The following PLAAT3 variants were observed in gnomAD, a reference collection of about 807,000 sequenced individuals.
PLAAT3 encodes the protein Ca-independent phospholipase A1/2.
In PLAAT3, 21 loss-of-function variants were observed where a neutral mutation model predicts 16.7. The ratio of observed to expected loss-of-function variants is 1.26; its 90% CI spans 0.89 to 1.81. The LOEUF (loss-of-function observed/expected upper bound fraction) is 1.81. Among genes scored for constraint, PLAAT3 ranks in the 40% most tolerant of loss-of-function variants. The pLI is 0.00. For synonymous variants in PLAAT3, 76 were observed against 81.7 expected, an observed-to-expected ratio of 0.93 and a Z score of 0.38; for missense variants, 219 against 213.7, an observed-to-expected ratio of 1.02 and a Z score of -0.16.
Position 63,590,106 on chromosome 11 carries a change from A to G in PLAAT3, c.381T>C (p.Ser127=). Residue 127 remains serine, a synonymous_variant, in exon 4 of 5, where the codon AGT becomes AGC. Transcript: ENST00000415826. ...ACACAGGCAGAGGACGCACCTGGTC[A>G]CTGCGGGCGACTCCATAGCGCAGCT... ...VNELRYGVAR[S]DQVRDVIIAA... 1 of 1,613,384 alleles carries G rather than the reference A, an allele frequency of 6.2e-7. No homozygotes were observed. The highest frequency in any genetic ancestry group is 2.2e-5 in the East Asian group (1 of 44,874).
At chr11:63,598,801 A>G in intron 2 of PLAAT3, 1 of 486,992 alleles carries the variant, frequency 2.1e-6, no homozygotes, top group Non-Finnish European at 4.1e-6. Flanking sequence ...ATCAGTCTCC[A>G]GCAGTAATGT....
Position 63,614,415 on chromosome 11 carries a change from C to G in PLAAT3, c.-85G>C, listed in dbSNP as rs1361698204. 2 of 201,320 alleles carry G rather than the reference C, an allele frequency of 9.9e-6. No individual in the cohort carries two copies. The highest frequency in any genetic ancestry group is 4.6e-5 in the African/African-American group (2 of 43,148). 12.5% of individuals were successfully genotyped at this position (201,320 alleles called of 1,614,324 possible). ...GGTCTCGGAGGCAGCGCTGCAGCCC[C>G]AGCAATTGGACCGGGTCTAATGGCC... On this transcript the variant is annotated 5_prime_UTR_variant, in exon 1 of 5. Coordinates refer to ENST00000415826, the MANE Select transcript of PLAAT3 (RefSeq NM_001128203.2).
intron 2 of PLAAT3, among the ~76,000 whole-genome samples, chr11:63,599,161 C>A (rs1416078483): frequency 6.6e-6 from 1 of 152,216 alleles, no homozygotes; most frequent in Non-Finnish European, 1.5e-5. Flanking sequence ...CTTTAAACCC[C>A]TTTAATGAGC....
At position 63,590,879 on chromosome 11, in the gene PLAAT3, C is replaced by A. The variant is rs74768501; in HGVS notation, c.119-511G>T. Among the ~76,000 whole-genome samples, 434 of 152,280 alleles carry A rather than the reference C, an allele frequency of 2.9e-3. 3 individuals are homozygous for A. The highest frequency in any genetic ancestry group is 0.01 in the African/African-American group (424 of 41,564). On this transcript the variant is annotated intron_variant, in intron 3 of 4. Coordinates refer to ENST00000415826, the MANE Select transcript of PLAAT3 (RefSeq NM_001128203.2). ...GGATGCTAAGGAGGCTTAGTGGGTA[C>A]ATGGGCACAGCCCAGGCCAAGGCCC...
intron 4 of PLAAT3, among the ~76,000 whole-genome samples, chr11:63,583,421 G>A (rs145397597): frequency 0.034 from 5,147 of 152,304 alleles, 136 homozygotes; most frequent in Middle Eastern, 0.071. Context: ...CTCATGGTGT[G>A]AAAACAAAAG....
At chr11:63,598,727 C>T in intron 2 of PLAAT3, 1 of 518,014 alleles carries the variant, frequency 1.9e-6, no homozygotes, top group South Asian at 1.4e-5. Context: ...CAGAGGCTGC[C>T]AGATCTGGAG....
intron 2 of PLAAT3, among the ~76,000 whole-genome samples, chr11:63,603,570 A>G (rs1938483072): frequency 1.3e-5 from 2 of 151,984 alleles, no homozygotes; most frequent in Non-Finnish European, 2.9e-5. Flanking sequence ...ACCATGGCAC[A>G]CTTTTACCTT....
At position 63,595,490 on chromosome 11, in the gene PLAAT3, A is replaced by C. The variant is rs546765557; in HGVS notation, c.118+2571T>G. Among the ~76,000 whole-genome samples, 6 of 152,246 alleles carry C rather than the reference A, an allele frequency of 3.9e-5. No homozygotes were observed. The South Asian group carries it at 1.2e-3, about 32-fold the overall frequency. On this transcript the variant is annotated intron_variant, in intron 3 of 4. Coordinates refer to ENST00000415826, the MANE Select transcript of PLAAT3 (RefSeq NM_001128203.2). ...CATGGGCATGATGTTGGCTAAAAGA[A>C]GCCAGACACAAAAGAGCACGGGCCG... is the stretch of plus-strand genomic sequence containing the variant.
rs374708439 is a variant in PLAAT3, at chr11:63,614,040, G to A, written c.-26C>T. The A allele has an allele frequency of 4.0e-5, 65 of 1,613,620 alleles. No homozygotes were observed. The South Asian group carries it at 5.9e-4, about 15-fold the overall frequency. ...CTTCCCTCGCGGTGTGGACCCTCAAGGCCAGGCTCGATTTCGCTGCGTAGA... is the reference window on the plus strand; with the variant it reads ...CTTCCCTCGCGGTGTGGACCCTCAAAGCCAGGCTCGATTTCGCTGCGTAGA... On this transcript the variant is annotated 5_prime_UTR_variant, in exon 2 of 5. Coordinates refer to ENST00000415826, the MANE Select transcript of PLAAT3 (RefSeq NM_001128203.2).
At chr11:63,589,409 C>CAAAAAAAAAAAAAAAAAAA (rs748851566) in intron 4 of PLAAT3, among the ~76,000 whole-genome samples, 1 of 30,750 alleles carries the variant, frequency 3.3e-5, no homozygotes. Context: ...TTCACCTATG[C>CAAAAAAAAAAAAAAAAAAA]AAAGAAAAAA....
At chr11:63,613,022 A>G (rs906641959) in intron 2 of PLAAT3, among the ~76,000 whole-genome samples, 1 of 152,204 alleles carries the variant, frequency 6.6e-6, no homozygotes, top group Non-Finnish European at 1.5e-5. Context: ...AACTCTTTAT[A>G]TGGACTGAGA....
intron 4 of PLAAT3, 61 bp downstream of exon 4, chr11:63,590,039 C>T (rs749349836): frequency 5.2e-6 from 8 of 1,535,250 alleles, no homozygotes; most frequent in Middle Eastern, 2.2e-4. Context: ...CCATGCCCAG[C>T]CTCCGTCAGC....
At chr11:63,597,443 G>A (rs529679999) in intron 3 of PLAAT3, among the ~76,000 whole-genome samples, 11 of 152,190 alleles carry the variant, frequency 7.2e-5, no homozygotes, top group Admixed American at 2.6e-4. Flanking sequence ...GGAGAATGGC[G>A]TAAACCCAGG....
At chr11:63,587,487 A>T (rs1938012448) in intron 4 of PLAAT3, among the ~76,000 whole-genome samples, 1 of 151,910 alleles carries the variant, frequency 6.6e-6, no homozygotes, top group Non-Finnish European at 1.5e-5. Flanking sequence ...GATTAATCAA[A>T]TGTGAGGATA....
intron 4 of PLAAT3, among the ~76,000 whole-genome samples, chr11:63,585,088 C>T (rs910931800): frequency 2.0e-5 from 3 of 148,886 alleles, no homozygotes; most frequent in Non-Finnish European, 3.0e-5. Flanking sequence ...AGTGCAATGG[C>T]GCAATCTTGG....
rs2017636886 is a variant in PLAAT3 at position 63,574,809 on chromosome 11, T to C, written c.*136A>G. 1.6e-6 allele frequency: 1 copy of C among 628,766 alleles called. No homozygotes were observed. The highest frequency in any genetic ancestry group is 1.9e-5 in the South Asian group (1 of 52,324). The allele number at this position is 628,766 out of a possible 1,614,324, so 38.9% of individuals were successfully genotyped here. ...TTCCCCCAATAAAATCCTCCCTCGTTTTGCTTTATTTTATTCTGTGAAAAT... is the reference window on the plus strand; with the variant it reads ...TTCCCCCAATAAAATCCTCCCTCGTCTTGCTTTATTTTATTCTGTGAAAAT... On this transcript the variant is annotated 3_prime_UTR_variant, in exon 5 of 5. Transcript: ENST00000415826.
At chr11:63,584,752 C>T (rs918243035) in intron 4 of PLAAT3, among the ~76,000 whole-genome samples, 1 of 151,874 alleles carries the variant, frequency 6.6e-6, no homozygotes, top group Admixed American at 6.6e-5. Context: ...CCTCGTGATC[C>T]ACCTGCCTTG....
chr11:63,604,588 C>A (rs538632237), intron 2 of PLAAT3, among the ~76,000 whole-genome samples: 2 of 152,076 alleles, frequency 1.3e-5, no homozygotes, highest in African/African-American at 4.8e-5. Context: ...CATGGTGAAA[C>A]CCTGTCTCTA....
At chr11:63,611,408 A>G (rs1019990463) in intron 2 of PLAAT3, among the ~76,000 whole-genome samples, 68 of 152,324 alleles carry the variant, frequency 4.5e-4, no homozygotes, top group African/African-American at 1.6e-3. Context: ...CCTAAATTCT[A>G]ATTGCTGCAG....
Sources: allele counts gnomAD v4.1 joint callset (sites outside exome capture counted in the v4.1 genomes callset), GRCh38; gene constraint gnomAD v4.1.1; transcripts MANE v1.5; gene names NCBI Gene and HGNC (gene_info 2026-07-23, HGNC 2026-07-21).